The following GPCPD1 variants were observed in gnomAD, a reference collection of about 807,000 sequenced individuals.
GPCPD1 encodes glycerophosphocholine phosphodiesterase GPCPD1.
Under a neutral mutation model 89.2 loss-of-function variants are expected in GPCPD1, and 29 were observed. That is an observed-to-expected ratio of 0.33 (90% CI 0.24 to 0.44). The LOEUF is 0.44. Ranked by LOEUF, GPCPD1 falls within the 20% of genes least tolerant of loss-of-function variation. The pLI is 1.00. For missense variants in GPCPD1, 594 were observed against 808.9 expected (o/e 0.73, Z 3.22); for synonymous variants, 258 against 266.3 (o/e 0.97, Z 0.30).
chr20:5,576,097 GTA>G (rs151308594), intron 8 of GPCPD1, 119 bp from the exon 9 acceptor site: 28,980 of 415,334 alleles, frequency 0.07, 1,578 homozygotes, highest in African/African-American at 0.23. Flanking sequence ...TATGAAATGT[GTA>G]TATATATATT....
intron 2 of GPCPD1, among the ~76,000 whole-genome samples, chr20:5,603,824 G>A (rs144279496): frequency 0.032 from 4,817 of 148,736 alleles, 267 homozygotes; most frequent in African/African-American, 0.11. Flanking sequence ...TCAGGTCACT[G>A]CAACCTCTGC....
chr20:5,588,622 C>G (rs549287924), intron 4 of GPCPD1, among the ~76,000 whole-genome samples: 1 of 151,332 alleles, frequency 6.6e-6, no homozygotes, highest in African/African-American at 2.4e-5. Context: ...GTCAGGAGTT[C>G]GAGACCAACC....
rs576879051 is a variant in GPCPD1 at position 5,608,325 on chromosome 20, A to C, written c.-29+2517T>G. 2.6e-5 allele frequency among the ~76,000 whole-genome samples: 4 copies of C among 152,280 alleles called. No homozygotes were observed. In the East Asian group the frequency reaches 7.7e-4, roughly 29 times the overall value. ...AAACACCTCCCAGAAAACCTCTCCA[A>C]AAGTCAACAAAGCATCATCTTCCAC... On this transcript the variant is annotated intron_variant, in intron 1 of 19. Transcript: ENST00000379019.
At chr20:5,568,230 G>GTATATATATATATATATATACTTAGTATA (rs3057280) in intron 12 of GPCPD1, among the ~76,000 whole-genome samples, 87 of 145,538 alleles carry the variant, frequency 6.0e-4, no homozygotes, top group African/African-American at 2.0e-3. Context: ...AATATACTTA[G>GTATATATATATATATATATACTTAGTATA]TATATATATA....
intron 12 of GPCPD1, among the ~76,000 whole-genome samples, chr20:5,569,735 T>G (rs1262601576): frequency 6.6e-6 from 1 of 152,194 alleles, no homozygotes; most frequent in Non-Finnish European, 1.5e-5. Flanking sequence ...CTCCACCATC[T>G]AACTCCAAAC....
At chr20:5,578,722 G>C in intron 7 of GPCPD1, 111 bp from the exon 8 acceptor site, 1 of 658,886 alleles carries the variant, frequency 1.5e-6, no homozygotes, top group African/African-American at 1.8e-5. Context: ...CTAAATCTTC[G>C]AATAACAAAA....
At chr20:5,558,580 G>A in intron 18 of GPCPD1, 104 bp downstream of exon 18, 2 of 662,940 alleles carry the variant, frequency 3.0e-6, no homozygotes, top group Non-Finnish European at 5.0e-6. Context: ...CTACAGTTTA[G>A]TCAAAACGTT....
At position 5,545,100 on chromosome 20, in the gene GPCPD1, A is replaced by G. The variant is rs1388784754; in HGVS notation, c.*2561T>C. Reference sequence around the variant, plus strand: ...ATTTCACTTGATTTCCATAAAGTATAAAATAATTTAACATTATACCTCTAC... The same window carrying G: ...ATTTCACTTGATTTCCATAAAGTATGAAATAATTTAACATTATACCTCTAC... On this transcript the variant is annotated 3_prime_UTR_variant, in exon 20 of 20. Coordinates refer to ENST00000379019, the MANE Select transcript of GPCPD1 (RefSeq NM_019593.5). 1.3e-5 allele frequency: 2 copies of G among 152,250 alleles called. No homozygotes were observed. The highest frequency in any genetic ancestry group is 2.9e-5 in the Non-Finnish European group (2 of 68,048). 9.4% of individuals were successfully genotyped at this position (152,250 alleles called of 1,614,324 possible).
intron 1 of GPCPD1, among the ~76,000 whole-genome samples, chr20:5,605,629 T>G (rs946226235): frequency 6.6e-6 from 1 of 152,018 alleles, no homozygotes; most frequent in Non-Finnish European, 1.5e-5. Context: ...AAATACAAAA[T>G]TAGCCGGGCG....
In GPCPD1 at chr20:5,575,999, ATAATCT is replaced by A. The variant is rs748848422; in HGVS notation, c.706-27_706-22del. The A allele has an allele frequency of 1.6e-5, 23 of 1,477,826 alleles. No homozygotes were observed. The South Asian group carries it at 2.1e-4, about 14-fold the overall frequency. 91.5% of individuals were successfully genotyped at this position (1,477,826 alleles called of 1,614,324 possible). On this transcript the variant is annotated intron_variant, in intron 8 of 19. Coordinates refer to ENST00000379019, the MANE Select transcript of GPCPD1 (RefSeq NM_019593.5). The stretch of plus-strand genomic sequence containing the variant: ...TCTTCCTGAAAAAATGAGATTTAAA[ATAATCT>A]TAATTTTTAAACTTCTACATTACAT...
At position 5,604,352 on chromosome 20, in the gene GPCPD1, C is replaced by T; in HGVS notation, c.49+12G>A. The T allele has an allele frequency of 7.4e-7, 1 of 1,345,170 alleles. No individual in the cohort carries two copies. Among genetic ancestry groups the T allele is most frequent in the Non-Finnish European group, 1.1e-6 (1 of 944,778 alleles). 83.3% of individuals were successfully genotyped at this position (1,345,170 alleles called of 1,614,324 possible). On this transcript the variant is annotated intron_variant, in intron 2 of 19. Transcript: ENST00000379019. Reference sequence around the variant, plus strand: ...TAATTTTAATTGTTTTAAAGTAAAACTTTTACAATACCTGGTAAAAGAGTT... The same window carrying T: ...TAATTTTAATTGTTTTAAAGTAAAATTTTTACAATACCTGGTAAAAGAGTT...
intron 16 of GPCPD1, 109 bp downstream of exon 16, chr20:5,561,356 C>A: frequency 1.7e-6 from 1 of 585,218 alleles, no homozygotes; most frequent in African/African-American, 1.9e-5. Flanking sequence ...GAGGAAGCCA[C>A]AATGAGATTT....
chr20:5,570,932 G>A (rs1326106478), intron 11 of GPCPD1, among the ~76,000 whole-genome samples: 2 of 151,824 alleles, frequency 1.3e-5, no homozygotes, highest in African/African-American at 4.9e-5. Context: ...AAGAAAGAAA[G>A]AAAGAAAAAG....
intron 15 of GPCPD1, 80 bp downstream of exon 15, chr20:5,564,937 C>G: frequency 1.3e-6 from 1 of 759,558 alleles, no homozygotes; most frequent in Non-Finnish European, 2.4e-6. Flanking sequence ...TTTTTAGGAT[C>G]CTTTTAAGAA....
chr20:5,574,862 AG>A (rs1210220343), intron 10 of GPCPD1, among the ~76,000 whole-genome samples: 3 of 152,158 alleles, frequency 2.0e-5, no homozygotes, highest in Non-Finnish European at 4.4e-5. Flanking sequence ...TAAAATGGGG[AG>A]GGATTAAAAT....
At chr20:5,586,392 A>G (rs903852562) in intron 4 of GPCPD1, 123 bp from the exon 5 acceptor site, 151 of 595,934 alleles carry the variant, frequency 2.5e-4, no homozygotes, top group Non-Finnish European at 4.4e-4. Flanking sequence ...TCATCTTATT[A>G]TCAATATTAT....
intron 15 of GPCPD1, among the ~76,000 whole-genome samples, chr20:5,564,459 T>C (rs111924429): frequency 2.1e-4 from 32 of 152,124 alleles, no homozygotes; most frequent in Non-Finnish European, 3.7e-4. Context: ...CATACTGAGA[T>C]GGGAATTTTT....
chr20:5,573,866 T>C (rs1986857406), intron 11 of GPCPD1, 49 bp downstream of exon 11: 3 of 933,132 alleles, frequency 3.2e-6, no homozygotes, highest in East Asian at 4.8e-5. Flanking sequence ...GACTCCCTGA[T>C]CCATATTTCT....
intron 1 of GPCPD1, among the ~76,000 whole-genome samples, chr20:5,604,913 A>T (rs1462353492): frequency 2.6e-5 from 4 of 152,008 alleles, no homozygotes; most frequent in Non-Finnish European, 5.9e-5. Flanking sequence ...TGACTGTGCC[A>T]CTGTACTCTA....
Sources: gnomAD v4.1 joint callset for allele counts (sites outside exome capture counted in the v4.1 genomes callset) on GRCh38, gnomAD v4.1.1 for gene constraint, MANE v1.5 for transcripts, NCBI Gene and HGNC (gene_info 2026-07-23, HGNC 2026-07-21) for gene names.